The following TMEM161A variants were observed in gnomAD, a reference collection of about 807,000 sequenced individuals.
The protein encoded by TMEM161A is transmembrane protein 161A.
Under a neutral mutation model 57.1 loss-of-function variants are expected in TMEM161A, and 46 were observed. The observed-to-expected ratio is 0.81, with a 90% CI of 0.64 to 1.03. The LOEUF is 1.03. Among genes scored for constraint, TMEM161A ranks in the 50% least tolerant of loss-of-function variants. TMEM161A has a pLI of 0.00. For missense variants in TMEM161A, 601 were observed against 621.5 expected (o/e 0.97, Z 0.35); for synonymous variants, 288 against 279.0 (o/e 1.03, Z -0.32).
chr19:19,134,347 A>T (rs1161719911), intron 2 of TMEM161A, among the ~76,000 whole-genome samples: 1 of 152,106 alleles, frequency 6.6e-6, no homozygotes, highest in Admixed American at 6.5e-5. Flanking sequence ...CACGCCTGTA[A>T]TCCCAGCACT....
chr19:19,130,089 A>C, intron 6 of TMEM161A, 67 bp downstream of exon 6: 1 of 1,583,376 alleles, frequency 6.3e-7, no homozygotes, highest in East Asian at 2.2e-5. Flanking sequence ...AGCCAGTTAA[A>C]CCATCTTGGT....
chr19:19,132,352 A>T lies in TMEM161A; in HGVS notation c.443T>A (p.Ile148Asn), dbSNP rs1320434932. The change falls in exon 5 of 12, where the codon ATC becomes AAC. Residue 148 changes from isoleucine to asparagine, a missense_variant and splice_region_variant. Physicochemically the swap from Ile to Asn is moderately radical, Grantham distance 149 (BLOSUM62 -3). Transcript: ENST00000162044. The surrounding 1 kb of genome is among the most constrained non-coding windows in gnomAD (Gnocchi z 4.3). ...FWCLLTVTFS[I>N]KMFLTVTRLY... is the part of the protein sequence containing the mutation. ...GGCAGGGAGCAGAGAGGAAGGATACATGGAGAAGGTCACCGTGAGCAGGCA... is the reference window on the plus strand; with the variant it reads ...GGCAGGGAGCAGAGAGGAAGGATACTTGGAGAAGGTCACCGTGAGCAGGCA... 2.5e-6 allele frequency: 4 copies of T among 1,611,912 alleles called. No homozygotes were observed. The East Asian group carries it at 6.7e-5, about 27-fold the overall frequency.
intron 1 of TMEM161A, among the ~76,000 whole-genome samples, chr19:19,136,071 T>C (rs948388974): frequency 6.6e-6 from 1 of 151,938 alleles, no homozygotes; most frequent in Non-Finnish European, 1.5e-5. Flanking sequence ...CAGAACACAT[T>C]TTCATATACT....
rs2059963528 is a variant in TMEM161A at position 19,132,471 on chromosome 19, G to T, written c.324C>A (p.Asp108Glu). The change falls in exon 5 of 12, where the codon GAC (aspartate) becomes GAA (glutamate). Residue 108 changes from aspartate (D) to glutamate (E), a missense_variant. By Grantham distance (45) the Asp-to-Glu change is conservative. Transcript: ENST00000162044. The surrounding 1 kb of genome is among the most constrained non-coding windows in gnomAD (Gnocchi z 4.3). ...ACACGCCGCCCGAGTACACAGCAAA[G>T]TCCACAAACCACTGGTACTCCAGGA... is the stretch of plus-strand genomic sequence containing the variant. ...RFFLEYQWFV[D>E]FAVYSGGVYL... 1 of 1,614,164 alleles carries T rather than the reference G, an allele frequency of 6.2e-7. No individual in the cohort carries two copies.
chr19:19,134,274 C>A (rs544431144), intron 2 of TMEM161A, among the ~76,000 whole-genome samples: 1 of 152,022 alleles, frequency 6.6e-6, no homozygotes, highest in African/African-American at 2.4e-5. Flanking sequence ...CATGTGTACA[C>A]CTGTCAAAAC....
At chr19:19,130,360 T>C (rs1486300942) in intron 5 of TMEM161A, 53 bp from the exon 6 acceptor site, 2 of 1,602,508 alleles carry the variant, frequency 1.2e-6, no homozygotes, top group Non-Finnish European at 1.7e-6. Flanking sequence ...CTCTGCCCAT[T>C]TCACCACACT....
chr19:19,134,681 C>A (rs983997508), intron 2 of TMEM161A, 103 bp downstream of exon 2: 17 of 798,424 alleles, frequency 2.1e-5, no homozygotes, highest in Non-Finnish European at 3.0e-5. Flanking sequence ...CCCCCACCAC[C>A]CACCAACCAA....
At chr19:19,133,767 C>T (rs566146874) in intron 2 of TMEM161A, among the ~76,000 whole-genome samples, 5 of 152,074 alleles carry the variant, frequency 3.3e-5, no homozygotes, top group African/African-American at 9.6e-5. Flanking sequence ...CCACCTCGCC[C>T]GGCCTTTGTT....
At chr19:19,133,266 G>A (rs1178127746) in intron 2 of TMEM161A, 56 bp from the exon 3 acceptor site, 2 of 1,529,822 alleles carry the variant, frequency 1.3e-6, no homozygotes, top group African/African-American at 1.4e-5. Context: ...GGAGGTTGAG[G>A]CAGTGAACCC....
chr19:19,133,376 C>T (rs1568538951), intron 2 of TMEM161A, 166 bp from the exon 3 acceptor site: 3 of 636,222 alleles, frequency 4.7e-6, no homozygotes, highest in East Asian at 2.8e-5. Context: ...ATCGTGAGAC[C>T]AACAGATCTA....
chr19:19,126,968 A>C (rs1599706404), intron 6 of TMEM161A, among the ~76,000 whole-genome samples: 1 of 84,790 alleles, frequency 1.2e-5, no homozygotes, highest in Non-Finnish European at 2.8e-5. Flanking sequence ...AATCACTTGA[A>C]TCCGGGAGGC....
chr19:19,137,506 C>T (rs901374972), intron 1 of TMEM161A, among the ~76,000 whole-genome samples: 2 of 152,206 alleles, frequency 1.3e-5, no homozygotes, highest in Non-Finnish European at 2.9e-5. Flanking sequence ...CCATCAGCTC[C>T]TTCTTTTCCC....
At chr19:19,135,184 TC>T (rs1025450200) in intron 1 of TMEM161A, among the ~76,000 whole-genome samples, 3 of 152,250 alleles carry the variant, frequency 2.0e-5, no homozygotes, top group Admixed American at 2.0e-4. Flanking sequence ...AATATTAATT[TC>T]CCGGAGTCTC....
chr19:19,130,175 G>C lies in TMEM161A; in HGVS notation c.576C>G (p.Leu192=), dbSNP rs752542839. Residue 192 remains leucine (L), a synonymous_variant, in exon 6 of 12, where the codon CTC becomes CTG. Transcript: ENST00000162044. ...MLVQVVREET[L]ELGLEPGLAS... ...ACTTACCAGGCTCCAGGCCCAGCTC[G>C]AGGGTCTCCTCCCGCACCACTTGCA... The C allele has an allele frequency of 1.9e-6, 3 of 1,613,656 alleles. No homozygotes were observed. Among genetic ancestry groups the C allele is most frequent in the Admixed American group, 3.3e-5 (2 of 60,012 alleles).
At chr19:19,125,736 T>C (rs1430819634) in intron 6 of TMEM161A, among the ~76,000 whole-genome samples, 2 of 151,958 alleles carry the variant, frequency 1.3e-5, no homozygotes, top group African/African-American at 4.8e-5. Flanking sequence ...CAGGATGGTC[T>C]CGATCTGCCG....
At position 19,121,445 on chromosome 19, in the gene TMEM161A, G is replaced by A. The variant is rs780322614; in HGVS notation, c.801-24C>T. The A allele has an allele frequency of 3.1e-6, 5 of 1,613,674 alleles. No individual in the cohort carries two copies. Among genetic ancestry groups the A allele is most frequent in the Admixed American group, 3.3e-5 (2 of 60,004 alleles). On this transcript the variant is annotated intron_variant, in intron 8 of 11. Transcript: ENST00000162044. This position sits in a 1 kb window ranked among gnomAD's most constrained non-coding sequence, Gnocchi z 5.8. ...ACCTGGGGGGTGAGGGCAGGAGGGA[G>A]TGAGGCCTGGGTACCCCCTCTCCTC...
chr19:19,126,972 G>A (rs960888260), intron 6 of TMEM161A, among the ~76,000 whole-genome samples: 2 of 82,904 alleles, frequency 2.4e-5, no homozygotes, highest in African/African-American at 3.6e-5. Context: ...ACTTGAATCC[G>A]GGAGGCAAAG....
chr19:19,137,990 T>C (rs2059991842), intron 1 of TMEM161A, among the ~76,000 whole-genome samples: 1 of 152,048 alleles, frequency 6.6e-6, no homozygotes, highest in Non-Finnish European at 1.5e-5. Context: ...CACCCCGATA[T>C]AGCAGGGACC....
intron 6 of TMEM161A, among the ~76,000 whole-genome samples, chr19:19,128,509 T>C (rs2059942103): frequency 6.6e-6 from 1 of 150,534 alleles, no homozygotes; most frequent in Admixed American, 6.7e-5. Flanking sequence ...GGATTACACA[T>C]GTGAGCCACC....
Sources: allele counts gnomAD v4.1 joint callset (sites outside exome capture counted in the v4.1 genomes callset), GRCh38; gene constraint gnomAD v4.1.1; non-coding constraint Gnocchi (gnomAD v3.1); transcripts MANE v1.5; gene names NCBI Gene and HGNC (gene_info 2026-07-23, HGNC 2026-07-21).